SETD7: variants seen among roughly 807,000 people sequenced by gnomAD.
SETD7 encodes the protein SET domain containing 7, histone lysine methyltransferase, also known as histone-lysine N-methyltransferase SETD7.
SETD7 carries 16 observed loss-of-function variants against 41.8 expected under a neutral mutation model. The ratio of observed to expected loss-of-function variants is 0.38; its 90% CI spans 0.26 to 0.58. The LOEUF (loss-of-function observed/expected upper bound fraction) is 0.58, where lower values mean the gene tolerates loss of function less well. Ranked by LOEUF, SETD7 falls within the 20% of genes least tolerant of loss-of-function variation. SETD7 has a pLI of 0.64. For missense variants in SETD7, 346 were observed against 459.7 expected, an observed-to-expected ratio of 0.75 and a Z score of 2.26; for synonymous variants, 163 against 169.7, an observed-to-expected ratio of 0.96 and a Z score of 0.31.
chr4:139,526,910 C>G (rs1386513480), intron 4 of SETD7, among the ~76,000 whole-genome samples: 4 of 152,210 alleles, frequency 2.6e-5, no homozygotes, highest in African/African-American at 4.8e-5. Flanking sequence ...ATAGATATCA[C>G]AGTTTGTAGT....
intron 7 of SETD7, among the ~76,000 whole-genome samples, chr4:139,514,520 G>A (rs1160965660): frequency 6.6e-6 from 1 of 152,146 alleles, no homozygotes; most frequent in Non-Finnish European, 1.5e-5. Context: ...TTCAGGTGTT[G>A]ATTGTTGAAG....
chr4:139,502,320 G>A (rs759842915), downstream of SETD7, among the ~76,000 whole-genome samples: 2 of 152,218 alleles, frequency 1.3e-5, no homozygotes, highest in Non-Finnish European at 2.9e-5. Context: ...GTAATGAGAA[G>A]CATGGTGAAA....
intron 2 of SETD7, among the ~76,000 whole-genome samples, chr4:139,535,929 G>A (rs991672976): frequency 4.0e-4 from 61 of 152,250 alleles, no homozygotes; most frequent in African/African-American, 1.4e-3. Context: ...ACGTTTCTTA[G>A]ACTGGCATTC....
Position 139,556,214 on chromosome 4 carries a change from A to G in SETD7, c.-77T>C. 6.7e-7 allele frequency: 1 copy of G among 1,483,944 alleles called. No homozygotes were observed. Among genetic ancestry groups the G allele is most frequent in the Non-Finnish European group, 9.1e-7 (1 of 1,096,604 alleles). The allele number at this position is 1,483,944 out of a possible 1,614,324, so 91.9% of individuals were successfully genotyped here. ...TCTGGGTGCTCCCGGCGGCTGAGCG[A>G]GCTCTGGGGCTCGCGAGTTTGGAGG... is the stretch of plus-strand genomic sequence containing the variant. On this transcript the variant is annotated 5_prime_UTR_variant, in exon 1 of 8. Coordinates refer to ENST00000274031, the MANE Select transcript of SETD7 (RefSeq NM_030648.4).
At chr4:139,535,364 A>C (rs975001461) in intron 2 of SETD7, among the ~76,000 whole-genome samples, 1 of 152,242 alleles carries the variant, frequency 6.6e-6, no homozygotes, top group African/African-American at 2.4e-5. Context: ...ATTCCAATTT[A>C]ACTGGGTGTC....
intron 7 of SETD7, 139 bp from the exon 8 acceptor site, chr4:139,511,982 C>CCAGCAT: frequency 1.4e-6 from 2 of 1,414,064 alleles, no homozygotes; most frequent in Non-Finnish European, 1.8e-6. Context: ...GTGTGGTCAC[C>CCAGCAT]CAGCATCAGT....
intron 2 of SETD7, among the ~76,000 whole-genome samples, chr4:139,536,396 T>C (rs1727637317): frequency 6.6e-6 from 1 of 152,102 alleles, no homozygotes; most frequent in African/African-American, 2.4e-5. Context: ...TACTCTGAAA[T>C]CTCTGGCATT....
downstream of SETD7, among the ~76,000 whole-genome samples, chr4:139,504,337 A>G (rs1181594053): frequency 6.6e-6 from 1 of 152,232 alleles, no homozygotes; most frequent in African/African-American, 2.4e-5. Flanking sequence ...ACATTTATCG[A>G]GCAAACCACT....
chr4:139,511,946 C>A, intron 7 of SETD7, 103 bp from the exon 8 acceptor site: 3 of 1,479,202 alleles, frequency 2.0e-6, no homozygotes, highest in Non-Finnish European at 8.9e-7. Context: ...GCACTCTTCC[C>A]TGGGCACACC....
At chr4:139,525,381 C>T (rs1398390509) in intron 4 of SETD7, among the ~76,000 whole-genome samples, 2 of 152,326 alleles carry the variant, frequency 1.3e-5, no homozygotes, top group South Asian at 2.1e-4. Flanking sequence ...CAGGCACATC[C>T]TTTACTTTTA....
intron 2 of SETD7, among the ~76,000 whole-genome samples, chr4:139,543,997 T>G (rs1727858396): frequency 7.5e-6 from 1 of 133,142 alleles, no homozygotes; most frequent in South Asian, 2.4e-4. Flanking sequence ...CAAAAATTAG[T>G]GAATTGGTTA....
intron 2 of SETD7, among the ~76,000 whole-genome samples, chr4:139,534,137 C>G (rs1375629124): frequency 6.6e-6 from 1 of 152,078 alleles, no homozygotes; most frequent in Non-Finnish European, 1.5e-5. Flanking sequence ...GGGATGCTCA[C>G]GTGATTTTAC....
downstream of SETD7, among the ~76,000 whole-genome samples, chr4:139,495,137 C>T (rs949281346): frequency 1.3e-5 from 2 of 152,190 alleles, no homozygotes; most frequent in South Asian, 2.1e-4. Context: ...CAAGTAATAT[C>T]ATTTCTACTG....
intron 2 of SETD7, among the ~76,000 whole-genome samples, chr4:139,538,775 A>C (rs1344155716): frequency 6.6e-6 from 1 of 152,168 alleles, no homozygotes; most frequent in Non-Finnish European, 1.5e-5. Context: ...TTAGTATGTT[A>C]AGAAATTACA....
intron 2 of SETD7, among the ~76,000 whole-genome samples, chr4:139,535,251 C>A (rs867280779): frequency 1.3e-5 from 2 of 152,186 alleles, no homozygotes; most frequent in Non-Finnish European, 2.9e-5. Flanking sequence ...ACAGGATTCC[C>A]AGCTAAGTTT....
At chr4:139,495,575 G>T (rs1367309994), downstream of SETD7, among the ~76,000 whole-genome samples, 5 of 152,202 alleles carry the variant, frequency 3.3e-5, no homozygotes, top group African/African-American at 1.2e-4. Context: ...GAGAAAGAGA[G>T]CAGGGGAAGC....
At chr4:139,542,659 G>T (rs960227024) in intron 2 of SETD7, among the ~76,000 whole-genome samples, 1 of 151,642 alleles carries the variant, frequency 6.6e-6, no homozygotes, top group Admixed American at 6.6e-5. Flanking sequence ...AAAGCGGGGG[G>T]GAGCACTTTC....
At chr4:139,552,146 G>A (rs949052474) in intron 1 of SETD7, among the ~76,000 whole-genome samples, 4 of 152,008 alleles carry the variant, frequency 2.6e-5, no homozygotes, top group African/African-American at 9.7e-5. Flanking sequence ...TTAATGTGTG[G>A]CCCACACAGA....
chr4:139,529,406 T>C (rs1370384909), intron 3 of SETD7, among the ~76,000 whole-genome samples, 186 bp from the exon 4 acceptor site: 1 of 152,202 alleles, frequency 6.6e-6, no homozygotes, highest in African/African-American at 2.4e-5. Flanking sequence ...TCCAGCTCCA[T>C]ACAAATATAC....
Sources: gnomAD v4.1 joint callset for allele counts (sites outside exome capture counted in the v4.1 genomes callset) on GRCh38, gnomAD v4.1.1 for gene constraint, MANE v1.5 for transcripts, NCBI Gene and HGNC (gene_info 2026-07-23, HGNC 2026-07-21) for gene names.